HIVEP3: variants seen among roughly 807,000 people sequenced by gnomAD.
The protein encoded by HIVEP3 is transcription factor HIVEP3.
A neutral mutation model predicts 152.8 loss-of-function variants in HIVEP3; 49 were observed. The ratio of observed to expected loss-of-function variants is 0.32; its 90% CI spans 0.26 to 0.41. The LOEUF is 0.41. Among genes scored for constraint, HIVEP3 ranks in the 10% least tolerant of loss-of-function variants. The probability of loss-of-function intolerance (pLI) is 1.00; values close to 1 mark genes in which losing one functional copy is unlikely to be tolerated. For synonymous variants in HIVEP3, 1,269 were observed against 1,289.0 expected, an observed-to-expected ratio of 0.98 and a Z score of 0.33; for missense variants, 2,790 against 3,103.3, an observed-to-expected ratio of 0.90 and a Z score of 2.40.
At chr1:41,906,020 T>C (rs568766810) in intron 1 of HIVEP3, among the ~76,000 whole-genome samples, 75 of 152,178 alleles carry the variant, frequency 4.9e-4, no homozygotes, top group African/African-American at 1.4e-3. Context: ...GGATAAAAAA[T>C]CTGTGGTGGC....
chr1:41,999,200 C>A (rs2124522616), intron 1 of HIVEP3, among the ~76,000 whole-genome samples: 1 of 152,050 alleles, frequency 6.6e-6, no homozygotes, highest in Non-Finnish European at 1.5e-5. Context: ...AGCCATAATA[C>A]TTTTTTCTAA....
chr1:41,844,122 G>C (rs1172912141), intron 1 of HIVEP3, among the ~76,000 whole-genome samples: 2 of 152,200 alleles, frequency 1.3e-5, no homozygotes, highest in Non-Finnish European at 2.9e-5. Flanking sequence ...ATAGTAAAGA[G>C]GGGAGGGAGC....
intron 5 of HIVEP3, among the ~76,000 whole-genome samples, chr1:41,538,250 A>C (rs974638161): frequency 1.3e-5 from 2 of 152,034 alleles, no homozygotes; most frequent in East Asian, 3.9e-4. Context: ...GTGGGTGGGG[A>C]GGTCTGGAGG....
intron 1 of HIVEP3, among the ~76,000 whole-genome samples, chr1:41,806,111 C>T (rs944519894): frequency 6.6e-6 from 1 of 152,184 alleles, no homozygotes; most frequent in Non-Finnish European, 1.5e-5. Flanking sequence ...CCCCCAGAGC[C>T]TGCCCTCTGC....
chr1:41,896,737 G>A (rs1037190953), intron 1 of HIVEP3, among the ~76,000 whole-genome samples: 2 of 151,946 alleles, frequency 1.3e-5, no homozygotes, highest in Non-Finnish European at 2.9e-5. Flanking sequence ...ACCACACCCG[G>A]CTAATTTTTT....
rs771953401 is a variant in HIVEP3, at chr1:41,580,672, C to A, written c.4126G>T (p.Val1376Phe). 1 of 1,613,346 alleles carries A rather than the reference C, an allele frequency of 6.2e-7. No individual in the cohort carries two copies. The highest frequency in any genetic ancestry group is 1.1e-5 in the South Asian group (1 of 90,962). ...TTVCGADVHE[V>F]GPGPSGLSEE... ...CTTAACCCAGAAGGGCCGGGCCCAA[C>A]CTCATGCACATCTGCACCACATACA... The change falls in exon 4 of 9, where the codon GTT (valine) becomes TTT (phenylalanine). Residue 1376 changes from valine (V) to phenylalanine (F), a missense_variant. Val to Phe is a conservative substitution (Grantham distance 50). This residue lies in a region of HIVEP3 where 1,078 missense variants were observed against 1,165.3 expected (regional missense o/e 0.93). Transcript: ENST00000372583.
chr1:41,631,510 G>A (rs1186147769), intron 2 of HIVEP3, among the ~76,000 whole-genome samples: 1 of 152,118 alleles, frequency 6.6e-6, no homozygotes, highest in East Asian at 1.9e-4. Context: ...TGGGCACCCT[G>A]CTTTTTATTC....
chr1:41,904,274 G>C (rs930979995), intron 1 of HIVEP3, among the ~76,000 whole-genome samples: 3 of 152,058 alleles, frequency 2.0e-5, no homozygotes, highest in Non-Finnish European at 4.4e-5. Flanking sequence ...TGCTTTAACT[G>C]TGCCTCCCCA....
intron 5 of HIVEP3, among the ~76,000 whole-genome samples, chr1:41,553,791 A>C (rs1008681324): frequency 6.6e-6 from 1 of 152,160 alleles, no homozygotes; most frequent in Admixed American, 6.6e-5. Context: ...CTGGGTTGAA[A>C]ATTCTTTTCT....
In HIVEP3 at chr1:41,511,125, G is replaced by C; in HGVS notation, c.6547C>G (p.His2183Asp). Residue 2183 changes from histidine to aspartate, a missense_variant, in exon 9 of 9, where the codon CAC becomes GAC. His to Asp is a moderately conservative substitution (Grantham distance 81, BLOSUM62 -1). Coordinates refer to ENST00000372583, the MANE Select transcript of HIVEP3 (RefSeq NM_024503.5). The surrounding 1 kb of genome is among the most constrained non-coding windows in gnomAD (Gnocchi z 4.9). ...GGGGCACGGGTCAAGTGCTGGGAGT[G>C]CAGAGGCAGGTGGCTGAAGATGTTC... ...EENIFSHLPL[H>D]SQHLTRAPCP... 6.2e-7 allele frequency: 1 copy of C among 1,614,206 alleles called. No individual in the cohort carries two copies. Among genetic ancestry groups the C allele is most frequent in the Non-Finnish European group, 8.5e-7 (1 of 1,180,032 alleles).
Position 41,699,887 on chromosome 1 carries a change from C to G in HIVEP3, c.-721+1029G>C, listed in dbSNP as rs372652286. ...CTCCCTTCCCTGCTTGTGTAGGACCCAGCCTGAGCTCCTGGGTGACCAGAG... is the reference window on the plus strand; with the variant it reads ...CTCCCTTCCCTGCTTGTGTAGGACCGAGCCTGAGCTCCTGGGTGACCAGAG... On this transcript the variant is annotated intron_variant, in intron 2 of 8. Coordinates refer to ENST00000372583, the MANE Select transcript of HIVEP3 (RefSeq NM_024503.5). Among the ~76,000 whole-genome samples, 16 of 152,164 alleles carry G rather than the reference C, an allele frequency of 1.1e-4. No homozygotes were observed. In the East Asian group the frequency reaches 3.1e-3, roughly 29 times the overall value.
intron 1 of HIVEP3, among the ~76,000 whole-genome samples, chr1:41,704,981 C>G (rs1322881245): frequency 6.6e-6 from 1 of 152,210 alleles, no homozygotes; most frequent in Non-Finnish European, 1.5e-5. Context: ...CCCACTGCTC[C>G]TAAGATACCA....
rs918595405 is a variant in HIVEP3 at position 41,506,570 on chromosome 1, T to G, written c.*3881A>C. ...TCCTTTTGTACGTCAGACTCTGTGC[T>G]TTAGACCTGCGTGGATTTTTGTTTT... On this transcript the variant is annotated 3_prime_UTR_variant, in exon 9 of 9. Coordinates refer to ENST00000372583, the MANE Select transcript of HIVEP3 (RefSeq NM_024503.5). The G allele has an allele frequency of 6.6e-6, 1 of 151,270 alleles. No individual in the cohort carries two copies. The highest frequency in any genetic ancestry group is 2.4e-5 in the African/African-American group (1 of 41,198). 9.4% of individuals were successfully genotyped at this position (151,270 alleles called of 1,614,324 possible).
chr1:41,524,546 T>C (rs966139199), intron 6 of HIVEP3, among the ~76,000 whole-genome samples, 189 bp downstream of exon 6: 6 of 151,982 alleles, frequency 3.9e-5, no homozygotes, highest in Non-Finnish European at 8.8e-5. Context: ...GGGGCAGCCA[T>C]GGGGAGCCAC....
At chr1:41,603,158 C>T (rs1407241793) in intron 3 of HIVEP3, among the ~76,000 whole-genome samples, 2 of 152,106 alleles carry the variant, frequency 1.3e-5, no homozygotes, top group Non-Finnish European at 2.9e-5. Flanking sequence ...CCTCCACCTC[C>T]CGGGTTCAAG....
intron 3 of HIVEP3, among the ~76,000 whole-genome samples, chr1:41,593,009 A>G (rs1368446130): frequency 6.6e-6 from 1 of 151,932 alleles, no homozygotes; most frequent in Non-Finnish European, 1.5e-5. Flanking sequence ...TCAATCCCCA[A>G]ATCTGGTTGT....
Position 41,986,884 on chromosome 1 carries a change from T to C in HIVEP3, n.119+48923A>G, listed in dbSNP as rs1645327021. Among the ~76,000 whole-genome samples, 2 of 152,364 alleles carry C rather than the reference T, an allele frequency of 1.3e-5. 1 individual carries two copies. Among genetic ancestry groups the C allele is most frequent in the East Asian group, 3.9e-4 (2 of 5,192 alleles). On this transcript the variant is annotated intron_variant and non_coding_transcript_variant, in intron 1 of 3. Transcript: ENST00000489103. ...CGATTTTTAAAAATATGAGTTAGTA[T>C]TGGAGACAGAAGTTTGTATTCTTTA...
intron 1 of HIVEP3, among the ~76,000 whole-genome samples, chr1:41,740,993 G>A (rs1222436600): frequency 2.0e-5 from 3 of 152,032 alleles, no homozygotes; most frequent in African/African-American, 4.8e-5. Flanking sequence ...ACCCAGAGAC[G>A]GTAGGGCAGG....
At chr1:41,957,739 T>C (rs1332292220) in intron 1 of HIVEP3, among the ~76,000 whole-genome samples, 1 of 152,206 alleles carries the variant, frequency 6.6e-6, no homozygotes, top group Non-Finnish European at 1.5e-5. Context: ...AAGGTTATAA[T>C]GCAATCCAAA....
Sources: gnomAD v4.1 joint callset for allele counts (sites outside exome capture counted in the v4.1 genomes callset) on GRCh38, gnomAD v4.1.1 for gene constraint, gnomAD v4.1.1 regional missense constraint, Gnocchi (gnomAD v3.1) non-coding constraint, MANE v1.5 for transcripts, NCBI Gene and HGNC (gene_info 2026-07-23, HGNC 2026-07-21) for gene names.